The following SCN11A variants were observed in gnomAD, a reference collection of about 807,000 sequenced individuals.
SCN11A encodes the protein sodium voltage-gated channel alpha subunit 11.
A neutral mutation model predicts 162.2 loss-of-function variants in SCN11A; 122 were observed. That is an observed-to-expected ratio of 0.75 (90% CI 0.65 to 0.87). The LOEUF is 0.87. Ranked by LOEUF, SCN11A falls within the 40% of genes least tolerant of loss-of-function variation. The pLI is 0.00. For synonymous variants in SCN11A, 758 were observed against 751.5 expected, an observed-to-expected ratio of 1.01 and a Z score of -0.14; for missense variants, 2,015 against 2,181.6, an observed-to-expected ratio of 0.92 and a Z score of 1.52.
chr3:39,035,188 T>A (rs1016021052), intron 1 of SCN11A, among the ~76,000 whole-genome samples: 6 of 152,178 alleles, frequency 3.9e-5, no homozygotes, highest in Non-Finnish European at 8.8e-5. Context: ...ATTACCTGAC[T>A]TCAAATTATA....
At chr3:38,920,457 C>G (rs2066030357) in intron 10 of SCN11A, among the ~76,000 whole-genome samples, 1 of 152,158 alleles carries the variant, frequency 6.6e-6, no homozygotes, top group Admixed American at 6.5e-5. Context: ...CTTTGGGAGG[C>G]TGAGGTGGGC....
chr3:39,014,965 C>G (rs532369118), intron 2 of SCN11A, among the ~76,000 whole-genome samples: 1 of 152,308 alleles, frequency 6.6e-6, no homozygotes, highest in East Asian at 1.9e-4. Flanking sequence ...CCAAATCAGT[C>G]TTGGTGTGGG....
In SCN11A at chr3:38,900,470, AAAC is replaced by A. The variant is rs1441036414; in HGVS notation, c.1843-400_1843-398del. On this transcript the variant is annotated intron_variant, in intron 16 of 29. Coordinates refer to ENST00000302328, the MANE Select transcript of SCN11A (RefSeq NM_001349253.2). ...ATTAAAATAGGGAGAGAAGGAATGT[AAAC>A]AATAGCCCTGAAAACTAAGGATAAT... 7.9e-5 allele frequency among the ~76,000 whole-genome samples: 12 copies of A among 152,336 alleles called. No homozygotes were observed. In the East Asian group the frequency reaches 2.3e-3, roughly 29 times the overall value.
chr3:38,980,248 C>A (rs1455573018), intron 2 of SCN11A, among the ~76,000 whole-genome samples: 1 of 151,902 alleles, frequency 6.6e-6, no homozygotes, highest in Non-Finnish European at 1.5e-5. Context: ...AAAAAAAATA[C>A]CAACTCACAT....
intron 2 of SCN11A, among the ~76,000 whole-genome samples, chr3:38,968,591 TGTGCACACACAC>T (rs947621155): frequency 6.6e-5 from 10 of 152,264 alleles, no homozygotes; most frequent in African/African-American, 1.7e-4. Context: ...CCAACACACA[TGTGCACACACAC>T]GTGCACACAC....
chr3:38,850,844 CT>C, intron 28 of SCN11A, 93 bp from the exon 29 acceptor site: 2 of 1,130,344 alleles, frequency 1.8e-6, no homozygotes, highest in Non-Finnish European at 2.4e-6. Context: ...TTTGTTTTTC[CT>C]TACAATTAAA....
At chr3:38,924,788 C>T (rs536500275) in intron 9 of SCN11A, among the ~76,000 whole-genome samples, 226 of 152,118 alleles carry the variant, frequency 1.5e-3, no homozygotes, top group African/African-American at 5.3e-3. Flanking sequence ...GAATTACTGG[C>T]GTGAGCAACT....
chr3:38,898,537 TA>T (rs1164355854), intron 17 of SCN11A, among the ~76,000 whole-genome samples: 4 of 152,192 alleles, frequency 2.6e-5, no homozygotes, highest in African/African-American at 9.6e-5. Context: ...ATGATTAGAG[TA>T]ATATGGCATT....
At chr3:38,897,643 G>C (rs1279669142) in intron 17 of SCN11A, among the ~76,000 whole-genome samples, 7 of 151,662 alleles carry the variant, frequency 4.6e-5, no homozygotes, top group Non-Finnish European at 1.0e-4. Context: ...TTGAACCTGT[G>C]AGTCAGAGGT....
chr3:38,974,694 C>CAAAAAAAAAA (rs773028321), intron 2 of SCN11A, among the ~76,000 whole-genome samples: 31 of 47,712 alleles, frequency 6.5e-4, no homozygotes, highest in South Asian at 8.0e-4. Context: ...GACTCCGTCT[C>CAAAAAAAAAA]AAAAAAAAAA....
intron 14 of SCN11A, among the ~76,000 whole-genome samples, chr3:38,906,352 C>A (rs933054581): frequency 6.6e-6 from 1 of 152,122 alleles, no homozygotes; most frequent in East Asian, 1.9e-4. Flanking sequence ...ATCCCTCCCC[C>A]ACCACCAGCT....
intron 2 of SCN11A, among the ~76,000 whole-genome samples, chr3:38,993,712 G>A (rs2030525058): frequency 6.6e-6 from 1 of 152,140 alleles, no homozygotes; most frequent in African/African-American, 2.4e-5. Flanking sequence ...TGTGTGCAAC[G>A]GTATCAGCTG....
chr3:39,019,479 A>G (rs1345284210), intron 2 of SCN11A, among the ~76,000 whole-genome samples: 1 of 152,198 alleles, frequency 6.6e-6, no homozygotes, highest in Non-Finnish European at 1.5e-5. Flanking sequence ...CCGGCCTCAC[A>G]TCAATTAAAC....
At chr3:38,905,432 T>A in intron 14 of SCN11A, 111 bp from the exon 15 acceptor site, 1 of 1,264,094 alleles carries the variant, frequency 7.9e-7, no homozygotes, top group Non-Finnish European at 1.1e-6. Flanking sequence ...CAACATTTTC[T>A]ATAGGTCTAC....
chr3:39,039,710 A>C (rs1185281241), intron 1 of SCN11A, among the ~76,000 whole-genome samples: 1 of 152,156 alleles, frequency 6.6e-6, no homozygotes, highest in African/African-American at 2.4e-5. Flanking sequence ...CACCGCTGCC[A>C]GCAACCCTAT....
chr3:39,025,118 C>A (rs2031554578), intron 2 of SCN11A, among the ~76,000 whole-genome samples: 1 of 152,110 alleles, frequency 6.6e-6, no homozygotes, highest in African/African-American at 2.4e-5. Flanking sequence ...GTTCTAGCTT[C>A]TAAGAGCCCC....
At chr3:38,987,303 T>A (rs3222414) in intron 2 of SCN11A, among the ~76,000 whole-genome samples, 11,252 of 103,938 alleles carry the variant, frequency 0.11, 603 homozygotes, top group Middle Eastern at 0.17. Context: ...TCTCTCTCTC[T>A]CACACACACA....
intron 16 of SCN11A, among the ~76,000 whole-genome samples, chr3:38,903,557 G>A (rs1356712569): frequency 1.3e-5 from 2 of 152,170 alleles, no homozygotes; most frequent in Non-Finnish European, 2.9e-5. Context: ...ACGGTTCTCT[G>A]GATATGGTTA....
At chr3:38,943,975 T>G (rs533232296) in intron 7 of SCN11A, among the ~76,000 whole-genome samples, 1 of 152,208 alleles carries the variant, frequency 6.6e-6, no homozygotes, top group African/African-American at 2.4e-5. Flanking sequence ...TTTGAAATGT[T>G]TCCAATACAA....
Sources: gnomAD v4.1 joint callset for allele counts (sites outside exome capture counted in the v4.1 genomes callset) on GRCh38, gnomAD v4.1.1 for gene constraint, MANE v1.5 for transcripts, NCBI Gene and HGNC (gene_info 2026-07-23, HGNC 2026-07-21) for gene names.